The following CROT variants were observed in gnomAD, a reference collection of about 807,000 sequenced individuals.
CROT encodes the protein carnitine O-octanoyltransferase, also known as peroxisomal carnitine O-octanoyltransferase.
CROT carries 84 observed loss-of-function variants against 89.2 expected under a neutral mutation model. The ratio of observed to expected loss-of-function variants is 0.94; its 90% CI spans 0.79 to 1.13. The LOEUF (loss-of-function observed/expected upper bound fraction) is 1.13, where lower values mean the gene tolerates loss of function less well. Ranked by LOEUF, CROT falls within the 50% of genes most tolerant of loss-of-function variation. The probability of loss-of-function intolerance (pLI) is 0.00; values close to 1 mark genes in which losing one functional copy is unlikely to be tolerated. For missense variants in CROT, 711 were observed against 727.8 expected (o/e 0.98, Z 0.27); for synonymous variants, 212 against 239.5 (o/e 0.89, Z 1.06).
chr7:87,385,105 T>C (rs1807147404), intron 13 of CROT, among the ~76,000 whole-genome samples: 2 of 152,130 alleles, frequency 1.3e-5, no homozygotes, highest in East Asian at 3.8e-4. Context: ...TTTGGCGGTA[T>C]ATTTTGAAGT....
At chr7:87,385,100 C>T (rs943484209) in intron 13 of CROT, among the ~76,000 whole-genome samples, 10 of 148,654 alleles carry the variant, frequency 6.7e-5, no homozygotes, top group East Asian at 3.9e-4. Flanking sequence ...TATAGTTTGG[C>T]GGTATATTTT....
At chr7:87,359,481 T>C in intron 4 of CROT, 151 bp downstream of exon 4, 5 of 1,391,974 alleles carry the variant, frequency 3.6e-6, no homozygotes, top group Non-Finnish European at 4.6e-6. Flanking sequence ...CACTTAACTT[T>C]GGGAGTTTTC....
rs1806790315 is a variant in CROT, at chr7:87,375,739, CTT to C, written c.750+17_750+18del. 6.2e-7 allele frequency: 1 copy of C among 1,612,530 alleles called. No individual in the cohort carries two copies. The highest frequency in any genetic ancestry group is 1.3e-5 in the African/African-American group (1 of 74,886). On this transcript the variant is annotated intron_variant, in intron 8 of 17. Coordinates refer to ENST00000331536, the MANE Select transcript of CROT (RefSeq NM_021151.4). ...CGATGGGCTAAGGTTCTGATTTACA[CTT>C]TTCTTAACGAAGCTTTTCTCTAACA...
intron 17 of CROT, among the ~76,000 whole-genome samples, chr7:87,394,736 A>AGAAAAAG (rs1807471117): frequency 3.3e-5 from 5 of 152,116 alleles, no homozygotes; most frequent in Admixed American, 1.3e-4. Flanking sequence ...TATAGACTCT[A>AGAAAAAG]CTATGATTCT....
intron 3 of CROT, among the ~76,000 whole-genome samples, chr7:87,351,513 A>G (rs1298903034): frequency 6.7e-6 from 1 of 150,240 alleles, no homozygotes; most frequent in Non-Finnish European, 1.5e-5. Context: ...CTGTAAACAA[A>G]TTAGCTCTAA....
chr7:87,399,753 A>G lies in CROT; in HGVS notation c.*1109A>G, dbSNP rs1163291562. 4 of 152,214 alleles carry G rather than the reference A, an allele frequency of 2.6e-5. No homozygotes were observed. Among genetic ancestry groups the G allele is most frequent in the African/African-American group, 9.6e-5 (4 of 41,456 alleles). The allele number at this position is 152,214 out of a possible 1,614,324, so 9.4% of individuals were successfully genotyped here. Reference sequence around the variant, plus strand: ...CAAAAAATGAAATTCTCAAAATTATATAGCTTTTTGTTTTGTTTGAATAAA... The same window carrying G: ...CAAAAAATGAAATTCTCAAAATTATGTAGCTTTTTGTTTTGTTTGAATAAA... On this transcript the variant is annotated 3_prime_UTR_variant, in exon 18 of 18. Coordinates refer to ENST00000331536, the MANE Select transcript of CROT (RefSeq NM_021151.4).
chr7:87,377,479 T>C (rs1439848422), intron 10 of CROT, 29 bp downstream of exon 10: 2 of 1,329,522 alleles, frequency 1.5e-6, no homozygotes, highest in Non-Finnish European at 1.1e-6. Flanking sequence ...TTTTTCTCTT[T>C]TGATCTTTTA....
chr7:87,390,805 A>G (rs1336059011), intron 13 of CROT, among the ~76,000 whole-genome samples: 7 of 152,240 alleles, frequency 4.6e-5, no homozygotes, highest in Non-Finnish European at 7.3e-5. Flanking sequence ...ATTTCTGTGT[A>G]ATAAATTACC....
At chr7:87,362,312 T>TC (rs1376769627) in intron 6 of CROT, among the ~76,000 whole-genome samples, 2 of 151,078 alleles carry the variant, frequency 1.3e-5, no homozygotes, top group African/African-American at 4.9e-5. Flanking sequence ...TCCTTTTTTT[T>TC]TTTTTTTTTT....
rs1265533913 is a variant in CROT, at chr7:87,361,588, ATT to A, written c.422+19_422+20del. On this transcript the variant is annotated intron_variant, in intron 5 of 17. Coordinates refer to ENST00000331536, the MANE Select transcript of CROT (RefSeq NM_021151.4). ...ATTAAGAAAGTAAGGACACATGTGAATTTAGTGACAGGCTTACCTGAAGTCTC... is the reference window on the plus strand; with the variant it reads ...ATTAAGAAAGTAAGGACACATGTGAATAGTGACAGGCTTACCTGAAGTCTC... 1 of 1,571,156 alleles carries A rather than the reference ATT, an allele frequency of 6.4e-7. No individual in the cohort carries two copies. Among genetic ancestry groups the A allele is most frequent in the East Asian group, 2.3e-5 (1 of 44,286 alleles).
At chr7:87,396,580 A>G (rs1409103532) in intron 17 of CROT, among the ~76,000 whole-genome samples, 1 of 152,066 alleles carries the variant, frequency 6.6e-6, no homozygotes, top group Non-Finnish European at 1.5e-5. Flanking sequence ...AGAAATTACA[A>G]TGTATTTACA....
At chr7:87,370,382 C>T (rs974089618) in intron 7 of CROT, among the ~76,000 whole-genome samples, 2 of 152,052 alleles carry the variant, frequency 1.3e-5, no homozygotes, top group Admixed American at 6.6e-5. Context: ...GAGGTTTTGC[C>T]GTGTTGGCCA....
intron 10 of CROT, among the ~76,000 whole-genome samples, chr7:87,380,139 A>G (rs534220794): frequency 1.5e-5 from 2 of 129,318 alleles, no homozygotes; most frequent in African/African-American, 5.3e-5. Flanking sequence ...AAAAATAAGC[A>G]TATGTACTGT....
Position 87,376,736 on chromosome 7 carries a change from A to T in CROT, c.877-613A>T, listed in dbSNP as rs182029930. On this transcript the variant is annotated intron_variant, in intron 9 of 17. Transcript: ENST00000331536. ...TTGACCACAATTTTTAGTTACAAAT[A>T]CATTTAGATTGCAGCCCACTATATA... is the stretch of plus-strand genomic sequence containing the variant. Among the ~76,000 whole-genome samples, 501 of 152,122 alleles carry T rather than the reference A, an allele frequency of 3.3e-3. 5 individuals carry two copies. Among genetic ancestry groups the T allele is most frequent in the African/African-American group, 0.011 (467 of 41,542 alleles).
chr7:87,352,426 C>A (rs752957665), intron 3 of CROT, among the ~76,000 whole-genome samples: 4 of 152,146 alleles, frequency 2.6e-5, no homozygotes, highest in African/African-American at 4.8e-5. Context: ...TGGAGGTGGG[C>A]AGGCACTCCT....
intron 13 of CROT, among the ~76,000 whole-genome samples, chr7:87,383,092 TTTATTAC>T: frequency 6.6e-6 from 1 of 152,220 alleles, no homozygotes; most frequent in African/African-American, 2.4e-5. Context: ...GCCTCAACCA[TTTATTAC>T]GTCTTCGTGT....
rs1714600631 is a variant in CROT at position 87,391,600 on chromosome 7, G to A, written c.1313G>A (p.Cys438Tyr). The A allele has an allele frequency of 6.3e-7, 1 of 1,593,342 alleles. No homozygotes were observed. The highest frequency in any genetic ancestry group is 8.5e-7 in the Non-Finnish European group (1 of 1,174,186). The change falls in exon 14 of 18, where the codon TGC becomes TAC. Residue 438 changes from cysteine to tyrosine, a missense_variant. Transcript: ENST00000331536. ...ATTTTTTCTTGTAGCCCTGGTTGTT[G>A]CTATGAAACAGCTATGACAAGACAT... ...YYRLHGHPGC[C>Y]YETAMTRHFY...
chr7:87,356,937 G>A lies in CROT; in HGVS notation c.116-2269G>A, dbSNP rs188836100. Among the ~76,000 whole-genome samples, 263 of 152,214 alleles carry A rather than the reference G, an allele frequency of 1.7e-3. 1 individual carries two copies. The highest frequency in any genetic ancestry group is 5.9e-3 in the African/African-American group (247 of 41,544). On this transcript the variant is annotated intron_variant, in intron 3 of 17. Coordinates refer to ENST00000331536, the MANE Select transcript of CROT (RefSeq NM_021151.4). The stretch of plus-strand genomic sequence containing the variant: ...CTTGGGAGGCTGAGGCAGGAGAATC[G>A]CCTGAACCTGGGAGGCGGAGGTTGC...
chr7:87,361,873 C>T (rs771630295), intron 6 of CROT, 21 bp downstream of exon 6: 6 of 1,553,616 alleles, frequency 3.9e-6, no homozygotes, highest in East Asian at 4.6e-5. Context: ...ATGCAGATAT[C>T]GTTTTTAGTA....
Sources: gnomAD v4.1 joint callset for allele counts (sites outside exome capture counted in the v4.1 genomes callset) on GRCh38, gnomAD v4.1.1 for gene constraint, MANE v1.5 for transcripts, NCBI Gene and HGNC (gene_info 2026-07-23, HGNC 2026-07-21) for gene names.